Variants in LOC400499 observed in about 807,000 individuals in gnomAD.
the LOC400499 span, among the ~76,000 whole-genome samples, chr16:11,393,155 C>A: frequency 1.3e-4 from 2 of 15,952 alleles, no homozygotes; most frequent in African/African-American, 2.6e-4. Context: ...CGCCTGGCCA[C>A]CCCCCCCCCT....
the LOC400499 span, among the ~76,000 whole-genome samples, chr16:11,441,319 T>C: frequency 2.0e-5 from 3 of 152,232 alleles, no homozygotes; most frequent in Non-Finnish European, 4.4e-5. Context: ...TGAATGTGTC[T>C]TGCTCAAAGA....
At chr16:11,503,700 G>C in the LOC400499 span, among the ~76,000 whole-genome samples, 1 of 152,244 alleles carries the variant, frequency 6.6e-6, no homozygotes, top group Non-Finnish European at 1.5e-5. Context: ...ACCTGCCAAC[G>C]TGTCTGCCCA....
the LOC400499 span, chr16:11,424,282 G>A: frequency 2.8e-5 from 11 of 399,242 alleles, no homozygotes; most frequent in Non-Finnish European, 4.0e-5. Flanking sequence ...AGCGCCAGGC[G>A]TGCTGAGCAG....
the LOC400499 span, chr16:11,450,898 G>A: frequency 2.3e-6 from 3 of 1,300,606 alleles, no homozygotes; most frequent in East Asian, 7.6e-5. Context: ...GGTCCCGAGA[G>A]TCTCATCACA....
the LOC400499 span, among the ~76,000 whole-genome samples, chr16:11,498,831 C>T: frequency 1.3e-5 from 2 of 151,484 alleles, no homozygotes; most frequent in Non-Finnish European, 2.9e-5. Flanking sequence ...CAGCCACTTC[C>T]CTCCGCACAC....
chr16:11,470,511 G>A, the LOC400499 span: 1 of 152,128 alleles, frequency 6.6e-6, no homozygotes, highest in African/African-American at 2.4e-5. Context: ...TAAATCACTT[G>A]TACCCCAGTC....
the LOC400499 span, chr16:11,471,634 G>A: frequency 2.5e-6 from 1 of 399,088 alleles, no homozygotes; most frequent in Non-Finnish European, 4.4e-6. Context: ...AGAAAGACGG[G>A]GCTGTTGTCT....
chr16:11,517,311 C>T, the LOC400499 span, among the ~76,000 whole-genome samples: 6 of 152,164 alleles, frequency 3.9e-5, no homozygotes, highest in African/African-American at 1.4e-4. Context: ...CTCTGGGGAG[C>T]CTTCACTCTT....
the LOC400499 span, chr16:11,457,105 G>A: frequency 2.0e-5 from 29 of 1,436,196 alleles, no homozygotes; most frequent in Middle Eastern, 2.0e-4. Flanking sequence ...GAATGTGCCC[G>A]GGAAGTTGAG....
chr16:11,518,503 C>T, the LOC400499 span, among the ~76,000 whole-genome samples: 8 of 152,142 alleles, frequency 5.3e-5, no homozygotes, highest in East Asian at 1.4e-3. Flanking sequence ...TCCCATTAGC[C>T]GGAGTCTTCC....
At chr16:11,451,551 AAAAC>A in the LOC400499 span, among the ~76,000 whole-genome samples, 1,264 of 149,582 alleles carry the variant, frequency 8.5e-3, 11 homozygotes, top group African/African-American at 0.02. Context: ...ACCCTGTCTC[AAAAC>A]AAACAAACAA....
chr16:11,423,847 G>C, the LOC400499 span, among the ~76,000 whole-genome samples: 1 of 152,190 alleles, frequency 6.6e-6, no homozygotes, highest in Non-Finnish European at 1.5e-5. Context: ...GGCCCATGTG[G>C]GCACCCAACC....
At chr16:11,459,527 T>C in the LOC400499 span, among the ~76,000 whole-genome samples, 7 of 152,076 alleles carry the variant, frequency 4.6e-5, no homozygotes, top group Admixed American at 6.5e-5. Context: ...ACATACAAGG[T>C]TAAATGTGTG....
chr16:11,495,069 C>T, the LOC400499 span, among the ~76,000 whole-genome samples: 2 of 152,060 alleles, frequency 1.3e-5, no homozygotes, highest in Admixed American at 6.5e-5. Flanking sequence ...ATTAGCCGAG[C>T]ATGGTGGTGT....
the LOC400499 span, chr16:11,440,768 C>A: frequency 1.0e-5 from 4 of 399,038 alleles, no homozygotes. Context: ...GCATCCATGC[C>A]AAAGTTGAAT....
the LOC400499 span, among the ~76,000 whole-genome samples, chr16:11,496,479 A>T: frequency 6.6e-6 from 1 of 152,150 alleles, no homozygotes; most frequent in Non-Finnish European, 1.5e-5. Flanking sequence ...GTGTGTGTGC[A>T]TATTGGTGTG....
the LOC400499 span, among the ~76,000 whole-genome samples, chr16:11,386,180 G>T: frequency 2.0e-5 from 3 of 152,226 alleles, no homozygotes; most frequent in African/African-American, 7.2e-5. Context: ...ACCCTCTTCA[G>T]GGTAGGGAAC....
the LOC400499 span, chr16:11,384,184 T>G: frequency 5.7e-6 from 7 of 1,223,024 alleles, no homozygotes; most frequent in African/African-American, 1.1e-4. Context: ...GAACCTCAGC[T>G]GGAAGCAGGA....
the LOC400499 span, among the ~76,000 whole-genome samples, chr16:11,518,543 G>A: frequency 1.3e-5 from 2 of 152,140 alleles, no homozygotes; most frequent in Non-Finnish European, 2.9e-5. Context: ...TGCCCAAGGG[G>A]TGATCGGCAG....
Sources: allele counts gnomAD v4.1 joint callset (sites outside exome capture counted in the v4.1 genomes callset), GRCh38; gene constraint gnomAD v4.1.1; transcripts MANE v1.5.